TMPRSS11A: variants seen among roughly 807,000 people sequenced by gnomAD.
TMPRSS11A encodes transmembrane serine protease 11A.
Under a neutral mutation model 58.9 loss-of-function variants are expected in TMPRSS11A, and 53 were observed. The ratio of observed to expected loss-of-function variants is 0.90; its 90% CI spans 0.72 to 1.13. The LOEUF (loss-of-function observed/expected upper bound fraction) is 1.13, where lower values mean the gene tolerates loss of function less well. Among genes scored for constraint, TMPRSS11A ranks in the 50% most tolerant of loss-of-function variants. The probability of loss-of-function intolerance (pLI) is 0.00; values close to 1 mark genes in which losing one functional copy is unlikely to be tolerated. For missense variants in TMPRSS11A, 493 were observed against 499.3 expected (o/e 0.99, Z 0.12); for synonymous variants, 167 against 169.8 (o/e 0.98, Z 0.13).
At chr4:67,925,106 A>T (rs1348064706) in intron 5 of TMPRSS11A, among the ~76,000 whole-genome samples, 1 of 151,800 alleles carries the variant, frequency 6.6e-6, no homozygotes, top group Non-Finnish European at 1.5e-5. Flanking sequence ...ATAAACTGTT[A>T]TGTGTTTCTT....
chr4:67,922,700 C>T, intron 7 of TMPRSS11A, 55 bp downstream of exon 7: 2 of 1,535,144 alleles, frequency 1.3e-6, no homozygotes, highest in Non-Finnish European at 1.8e-6. Context: ...AAGAATATGA[C>T]AAAACTCAGG....
intron 5 of TMPRSS11A, 46 bp downstream of exon 5, chr4:67,929,834 G>A: frequency 7.6e-6 from 11 of 1,444,768 alleles, no homozygotes; most frequent in Non-Finnish European, 1.0e-5. Flanking sequence ...GTCAAAACAT[G>A]GACCTAATAG....
intron 6 of TMPRSS11A, among the ~76,000 whole-genome samples, chr4:67,923,458 G>A (rs1023405177): frequency 2.0e-5 from 3 of 152,208 alleles, no homozygotes; most frequent in Non-Finnish European, 4.4e-5. Flanking sequence ...GTGATTTGAA[G>A]TGATTTAATG....
chr4:67,930,069 T>C, intron 4 of TMPRSS11A, 29 bp from the exon 5 acceptor site: 6 of 1,590,480 alleles, frequency 3.8e-6, no homozygotes, highest in Non-Finnish European at 5.2e-6. Context: ...AGGTACATTT[T>C]CAAAGAATAC....
At chr4:67,932,085 A>C (rs754689396) in intron 3 of TMPRSS11A, 25 bp from the exon 4 acceptor site, 7 of 1,316,016 alleles carry the variant, frequency 5.3e-6, no homozygotes. Flanking sequence ...GAGAGAAACT[A>C]TGTGTTAATA....
At chr4:67,916,711 C>CA (rs1297120661) in intron 8 of TMPRSS11A, among the ~76,000 whole-genome samples, 2 of 152,006 alleles carry the variant, frequency 1.3e-5, no homozygotes, top group African/African-American at 4.8e-5. Flanking sequence ...CCTGCAGTCC[C>CA]AGCTACTCGG....
intron 1 of TMPRSS11A, among the ~76,000 whole-genome samples, chr4:67,952,456 C>T (rs981635067): frequency 8.5e-5 from 13 of 152,146 alleles, no homozygotes; most frequent in Non-Finnish European, 1.9e-4. Context: ...TGATATGAAG[C>T]TCCACCAAAT....
At chr4:67,926,059 A>C (rs1720458433) in intron 5 of TMPRSS11A, among the ~76,000 whole-genome samples, 1 of 152,226 alleles carries the variant, frequency 6.6e-6, no homozygotes, top group South Asian at 2.1e-4. Flanking sequence ...AAAGCTAGTT[A>C]ATATTCAGGG....
intron 3 of TMPRSS11A, among the ~76,000 whole-genome samples, chr4:67,933,968 G>A (rs2109751656): frequency 6.6e-6 from 1 of 152,240 alleles, no homozygotes; most frequent in East Asian, 1.9e-4. Flanking sequence ...TCATCAATCT[G>A]GCACCGTGCC....
rs1431594712 is a variant in TMPRSS11A, at chr4:67,963,368, C to T, written c.11+15G>A. 4 of 1,613,402 alleles carry T rather than the reference C, an allele frequency of 2.5e-6. No individual in the cohort carries two copies. The African/African-American group carries it at 5.3e-5, about 22-fold the overall frequency. ...TACATCAAACAAGCCATCTATAAAA[C>T]AGAACTGAACTTACCGATACATCAT... On this transcript the variant is annotated intron_variant, in intron 1 of 9. Transcript: ENST00000508048.
At chr4:67,956,282 C>A (rs1282887170) in intron 1 of TMPRSS11A, among the ~76,000 whole-genome samples, 1 of 152,108 alleles carries the variant, frequency 6.6e-6, no homozygotes, top group Non-Finnish European at 1.5e-5. Context: ...GGAAAAGCAA[C>A]ACAAGTGGCA....
chr4:67,955,402 C>A (rs1721261627), intron 1 of TMPRSS11A, among the ~76,000 whole-genome samples: 1 of 152,176 alleles, frequency 6.6e-6, no homozygotes, highest in African/African-American at 2.4e-5. Context: ...TGTTTTGGCA[C>A]TAGGTACAGT....
chr4:67,937,392 T>C (rs72851232), intron 3 of TMPRSS11A, among the ~76,000 whole-genome samples: 3,275 of 152,288 alleles, frequency 0.022, 125 homozygotes, highest in African/African-American at 0.074. Context: ...CTCTAATAAG[T>C]ATACCTAATG....
intron 3 of TMPRSS11A, among the ~76,000 whole-genome samples, chr4:67,938,361 G>T (rs895728026): frequency 6.6e-6 from 1 of 152,092 alleles, no homozygotes; most frequent in Non-Finnish European, 1.5e-5. Context: ...TAGGTTGTTT[G>T]TTTACTCTGT....
chr4:67,914,338 C>G (rs1293283328), intron 9 of TMPRSS11A, among the ~76,000 whole-genome samples: 1 of 152,104 alleles, frequency 6.6e-6, no homozygotes, highest in Non-Finnish European at 1.5e-5. Flanking sequence ...AGAAAATAAA[C>G]TGCTTTATTA....
chr4:67,938,269 G>A (rs577011864), intron 3 of TMPRSS11A, among the ~76,000 whole-genome samples: 1 of 152,006 alleles, frequency 6.6e-6, no homozygotes, highest in East Asian at 1.9e-4. Context: ...TCTTTTGCTT[G>A]TTGAGTTGTT....
chr4:67,954,027 G>C (rs1267370488), intron 1 of TMPRSS11A, among the ~76,000 whole-genome samples: 1 of 152,120 alleles, frequency 6.6e-6, no homozygotes, highest in African/African-American at 2.4e-5. Flanking sequence ...TGTGAATCCA[G>C]ACCAAAGGCA....
chr4:67,925,931 T>A (rs1473802167), intron 5 of TMPRSS11A, among the ~76,000 whole-genome samples: 2 of 152,224 alleles, frequency 1.3e-5, no homozygotes, highest in Non-Finnish European at 2.9e-5. Context: ...AGTAACTAGT[T>A]GTTAAAGATT....
chr4:67,941,985 T>C (rs1720892516), intron 3 of TMPRSS11A, among the ~76,000 whole-genome samples: 2 of 151,858 alleles, frequency 1.3e-5, no homozygotes, highest in African/African-American at 4.8e-5. Context: ...ACTATCAATA[T>C]CCAGAAAATG....
Sources: gnomAD v4.1 joint callset for allele counts (sites outside exome capture counted in the v4.1 genomes callset) on GRCh38, gnomAD v4.1.1 for gene constraint, MANE v1.5 for transcripts, NCBI Gene and HGNC (gene_info 2026-07-23, HGNC 2026-07-21) for gene names.